The following MON1B variants were observed in gnomAD, a reference collection of about 807,000 sequenced individuals.
MON1B encodes the protein vacuolar fusion protein MON1 homolog B.
In MON1B, 26 loss-of-function variants were observed where a neutral mutation model predicts 45.1. The observed-to-expected ratio is 0.58, with a 90% CI of 0.42 to 0.80. MON1B has a LOEUF of 0.80. Among genes scored for constraint, MON1B ranks in the 30% least tolerant of loss-of-function variants. MON1B has a pLI of 0.00. For missense variants in MON1B, 737 were observed against 754.5 expected (o/e 0.98, Z 0.27); for synonymous variants, 395 against 320.2 (o/e 1.23, Z -2.49).
At position 77,199,355 on chromosome 16, in the gene MON1B, G is replaced by A. The variant is rs931008892; in HGVS notation, c.*1047G>A. 6 of 1,248,534 alleles carry A rather than the reference G, an allele frequency of 4.8e-6. No individual in the cohort carries two copies. Among genetic ancestry groups the A allele is most frequent in the Admixed American group, 2.1e-5 (1 of 46,904 alleles). The allele number at this position is 1,248,534 out of a possible 1,614,324, so 77.3% of individuals were successfully genotyped here. A position where few individuals can be genotyped will look rare whatever the true frequency, so the allele number is the denominator to read the frequency against. On this transcript the variant is annotated 3_prime_UTR_variant, in exon 6 of 6. Coordinates refer to ENST00000248248, the MANE Select transcript of MON1B (RefSeq NM_014940.4). Reference sequence around the variant, plus strand: ...GATTTAACCGCTGGCGTAACCGCGGGTTGCACGCATGCGTGCTGAAAAGCC... The same window carrying A: ...GATTTAACCGCTGGCGTAACCGCGGATTGCACGCATGCGTGCTGAAAAGCC...
Position 77,201,045 on chromosome 16 carries a change from T to C in MON1B, c.*2737T>C, listed in dbSNP as rs1352413102. On this transcript the variant is annotated 3_prime_UTR_variant, in exon 6 of 6. Transcript: ENST00000248248. ...CCCATACAGACATCAAAGTAATGAT[T>C]ATTGCTTATTGCCTGACCTAGGATG... 6.6e-6 allele frequency: 1 copy of C among 152,208 alleles called. No individual in the cohort carries two copies. The highest frequency in any genetic ancestry group is 1.9e-4 in the East Asian group (1 of 5,190). The allele number at this position is 152,208 out of a possible 1,614,324, so 9.4% of individuals were successfully genotyped here.
chr16:77,194,039 G>C lies in MON1B; in HGVS notation c.475+262G>C, dbSNP rs1053351866. 1 of 600,174 alleles carries C rather than the reference G, an allele frequency of 1.7e-6. No individual in the cohort carries two copies. The highest frequency in any genetic ancestry group is 3.0e-6 in the Non-Finnish European group (1 of 338,208). The allele number at this position is 600,174 out of a possible 1,614,324, so 37.2% of individuals were successfully genotyped here. ...ACCTGAGAGGATAACTGTGGGGGCT[G>C]TGTGGTTGAGCTGTGTCTTTCTGGC... On this transcript the variant is annotated intron_variant, in intron 3 of 5. Coordinates refer to ENST00000248248, the MANE Select transcript of MON1B (RefSeq NM_014940.4). The surrounding 1 kb of genome is among the most constrained non-coding windows in gnomAD (Gnocchi z 8.1).
At chr16:77,196,691 G>A (rs544113302) in intron 5 of MON1B, among the ~76,000 whole-genome samples, 8 of 152,278 alleles carry the variant, frequency 5.3e-5, no homozygotes, top group East Asian at 3.9e-4. Flanking sequence ...CAGGAGAATC[G>A]CTTGAACCTG....
chr16:77,191,964 C>G (rs1271484588), intron 2 of MON1B, among the ~76,000 whole-genome samples: 1 of 151,820 alleles, frequency 6.6e-6, no homozygotes, highest in Non-Finnish European at 1.5e-5. Flanking sequence ...ATAGACTCAA[C>G]AGAGGAGGAC....
intron 5 of MON1B, among the ~76,000 whole-genome samples, chr16:77,196,249 G>A (rs1241338998): frequency 1.3e-5 from 2 of 152,166 alleles, no homozygotes; most frequent in Admixed American, 6.5e-5. Flanking sequence ...AATTTATTGC[G>A]TGACTGCTGT....
rs2054733754 is a variant in MON1B, at chr16:77,200,821, G to GAAATATT, written c.*2513_*2514insAAATATT. 2 of 150,966 alleles carry GAAATATT rather than the reference G, an allele frequency of 1.3e-5. No individual in the cohort carries two copies. The highest frequency in any genetic ancestry group is 4.2e-4 in the South Asian group (2 of 4,792). 9.4% of individuals were successfully genotyped at this position (150,966 alleles called of 1,614,324 possible). ...GCAGTCATGCATTTGTATGCCACTA[G>GAAATATT]CATTTTTTTGTTATAGAAATATTCA... On this transcript the variant is annotated 3_prime_UTR_variant, in exon 6 of 6. Coordinates refer to ENST00000248248, the MANE Select transcript of MON1B (RefSeq NM_014940.4).
chr16:77,201,067 G>C lies in MON1B; in HGVS notation c.*2759G>C, dbSNP rs559936309. On this transcript the variant is annotated 3_prime_UTR_variant, in exon 6 of 6. Transcript: ENST00000248248. Reference sequence around the variant, plus strand: ...GATTATTGCTTATTGCCTGACCTAGGATGTGAGCTCCATGAGAACAGAGAC... The same window carrying C: ...GATTATTGCTTATTGCCTGACCTAGCATGTGAGCTCCATGAGAACAGAGAC... 4.6e-5 allele frequency: 7 copies of C among 152,262 alleles called. No homozygotes were observed. Among genetic ancestry groups the C allele is most frequent in the African/African-American group, 1.7e-4 (7 of 41,546 alleles). The allele number at this position is 152,262 out of a possible 1,614,324, so 9.4% of individuals were successfully genotyped here. A position where few individuals can be genotyped will look rare whatever the true frequency, so the allele number is the denominator to read the frequency against.
Position 77,198,529 on chromosome 16 carries a change from A to G in MON1B, c.*221A>G. ...GTCATGCACCTCCCCCTCTGGGGAA[A>G]TCCTTAGGCCTCCCTCTCCCTTCCC... On this transcript the variant is annotated 3_prime_UTR_variant, in exon 6 of 6. Transcript: ENST00000248248. 3.4e-6 allele frequency: 2 copies of G among 584,216 alleles called. No homozygotes were observed. Among genetic ancestry groups the G allele is most frequent in the Non-Finnish European group, 6.1e-6 (2 of 328,074 alleles). The allele number at this position is 584,216 out of a possible 1,614,324, so 36.2% of individuals were successfully genotyped here. A position where few individuals can be genotyped will look rare whatever the true frequency, so the allele number is the denominator to read the frequency against.
chr16:77,198,203 G>A lies in MON1B; in HGVS notation c.1539G>A (p.Lys513=), dbSNP rs1293475398. The part of the protein sequence containing the change: ...LVVTKLLRWV[K]KEEDRLFIRY... ...TGACCAAACTCCTGCGCTGGGTGAA[G>A]AAAGAGGAGGACCGGCTCTTCATTC... Residue 513 remains lysine, a synonymous_variant, in exon 6 of 6, where the codon AAG becomes AAA. Transcript: ENST00000248248. 1.2e-6 allele frequency: 2 copies of A among 1,614,166 alleles called. No individual in the cohort carries two copies. Among genetic ancestry groups the A allele is most frequent in the Non-Finnish European group, 1.7e-6 (2 of 1,180,038 alleles).
At position 77,193,333 on chromosome 16, in the gene MON1B, A is replaced by C; in HGVS notation, c.149-118A>C. The C allele has an allele frequency of 1.0e-6, 1 of 954,414 alleles. No homozygotes were observed. The allele number at this position is 954,414 out of a possible 1,614,324, so 59.1% of individuals were successfully genotyped here. The stretch of plus-strand genomic sequence containing the variant: ...ATTGAGGGGCATAGGAGACACTTGG[A>C]GTTCTGCGTCAGCATGCAGGGGTCA... On this transcript the variant is annotated intron_variant, in intron 2 of 5. Transcript: ENST00000248248. The surrounding 1 kb of genome is among the most constrained non-coding windows in gnomAD (Gnocchi z 5.0).
chr16:77,194,418 C>G lies in MON1B; in HGVS notation c.559C>G (p.Arg187Gly). ...SRTSQSAAQL[R>G]GELLAVHAQI... The stretch of plus-strand genomic sequence containing the variant: ...GACTTCTCAGTCAGCAGCCCAGCTG[C>G]GGGGGGAGCTGCTAGCTGTGCACGC... Residue 187 changes from arginine to glycine, a missense_variant, in exon 4 of 6, where the codon CGG (arginine) becomes GGG (glycine). By Grantham distance (125) the Arg-to-Gly change is moderately radical. Transcript: ENST00000248248. This position sits in a 1 kb window ranked among gnomAD's most constrained non-coding sequence, Gnocchi z 8.1. The G allele has an allele frequency of 6.2e-7, 1 of 1,613,804 alleles. No individual in the cohort carries two copies. Among genetic ancestry groups the G allele is most frequent in the South Asian group, 1.1e-5 (1 of 91,088 alleles).
intron 2 of MON1B, among the ~76,000 whole-genome samples, chr16:77,192,768 C>T (rs933757450): frequency 2.6e-5 from 4 of 151,790 alleles, no homozygotes; most frequent in African/African-American, 9.7e-5. Context: ...ATTGAAAAAC[C>T]AGGTGTTAAT....
chr16:77,191,494 CGGA>C lies in MON1B; in HGVS notation c.14_16del (p.Gly5del). 1 of 1,602,326 alleles carries C rather than the reference CGGA, an allele frequency of 6.2e-7. No individual in the cohort carries two copies. ...CACTCAGGGATGTGCAGATGGAGGTCGGAGGAGACACTGCTGCCCCGGCCCCCG... is the reference window on the plus strand; with the variant it reads ...CACTCAGGGATGTGCAGATGGAGGTCGGAGACACTGCTGCCCCGGCCCCCG... On this transcript the variant is annotated inframe_deletion, in exon 2 of 6. Transcript: ENST00000248248.
rs2054653086 is a variant in MON1B at position 77,195,159 on chromosome 16, G to A, written c.1295+5G>A. 2 of 1,575,648 alleles carry A rather than the reference G, an allele frequency of 1.3e-6. No individual in the cohort carries two copies. The highest frequency in any genetic ancestry group is 1.7e-6 in the Non-Finnish European group (2 of 1,166,986). On this transcript the variant is annotated splice_donor_5th_base_variant and intron_variant, in intron 4 of 5. Coordinates refer to ENST00000248248, the MANE Select transcript of MON1B (RefSeq NM_014940.4). ...CCAACTGCCCCAGTTTACCAGGTAG[G>A]CCCTGACCCTAAGGCAACTGGCTGG...
Sources: gnomAD v4.1 joint callset for allele counts (sites outside exome capture counted in the v4.1 genomes callset) on GRCh38, gnomAD v4.1.1 for gene constraint, Gnocchi (gnomAD v3.1) non-coding constraint, MANE v1.5 for transcripts, NCBI Gene and HGNC (gene_info 2026-07-23, HGNC 2026-07-21) for gene names.